RARB: variants seen among roughly 807,000 people sequenced by gnomAD.
The protein encoded by RARB is retinoic acid receptor beta, also known as HBV-activated protein.
RARB carries 17 observed loss-of-function variants against 51.9 expected under a neutral mutation model. That is an observed-to-expected ratio of 0.33 (90% confidence interval 0.22 to 0.49). The LOEUF is 0.49. Among genes scored for constraint, RARB ranks in the 20% least tolerant of loss-of-function variants. RARB has a pLI of 0.99. For missense variants in RARB, 369 were observed against 550.8 expected, an observed-to-expected ratio of 0.67 and a Z score of 3.30; for synonymous variants, 215 against 195.4, an observed-to-expected ratio of 1.10 and a Z score of -0.84.
chr3:24,950,713 GAAAA>G (rs71622789), intron 2 of RARB, among the ~76,000 whole-genome samples: 34 of 94,076 alleles, frequency 3.6e-4, no homozygotes, highest in African/African-American at 1.6e-3. Flanking sequence ...GCAGGAAAAG[GAAAA>G]AAAAAAAAAA....
chr3:25,597,775 A>AT lies in RARB; in HGVS notation c.*1171dup, dbSNP rs10638799. The AT allele has an allele frequency of 0.33, 49,600 of 149,816 alleles. 8,090 individuals carry two copies. Among genetic ancestry groups the AT allele is most frequent in the South Asian group, 0.37 (1,742 of 4,740 alleles). The allele number at this position is 149,816 out of a possible 1,614,324, so 9.3% of individuals were successfully genotyped here. A position where few individuals can be genotyped will look rare whatever the true frequency, so the allele number is the denominator to read the frequency against. ...TAGTTCTCATTTAAGCACTAGTGGA[A>AT]TTTTTTTTTTTTGATATATTAGCAA... On this transcript the variant is annotated 3_prime_UTR_variant, in exon 8 of 8. Transcript: ENST00000330688.
At chr3:25,335,968 C>T (rs1705050078) in intron 5 of RARB, among the ~76,000 whole-genome samples, 2 of 151,740 alleles carry the variant, frequency 1.3e-5, no homozygotes, top group South Asian at 4.1e-4. Flanking sequence ...TCCTCTAAAA[C>T]ACAGGTTTTT....
chr3:25,574,156 G>A lies in RARB; in HGVS notation c.609+4238G>A, dbSNP rs182810833. On this transcript the variant is annotated intron_variant, in intron 4 of 7. Transcript: ENST00000330688. ...GAGGTAACATCCTCGCTCTGAGGAC[G>A]TGTTCTCCGCTTCCTTAGGGTGAAC... Among the ~76,000 whole-genome samples, 19 of 152,322 alleles carry A rather than the reference G, an allele frequency of 1.2e-4. No homozygotes were observed. The East Asian group carries it at 3.5e-3, about 28-fold the overall frequency.
At chr3:25,305,134 A>G (rs1481483230) in intron 5 of RARB, among the ~76,000 whole-genome samples, 4 of 152,146 alleles carry the variant, frequency 2.6e-5, no homozygotes, top group African/African-American at 7.2e-5. Context: ...CGTAGGATAC[A>G]CTAGGATGTG....
chr3:25,589,815 G>A (rs1186977606), intron 5 of RARB, among the ~76,000 whole-genome samples: 1 of 152,228 alleles, frequency 6.6e-6, no homozygotes, highest in Admixed American at 6.5e-5. Flanking sequence ...GCCTGGCCTA[G>A]GCTATTTTTA....
rs898183184 is a variant in RARB at position 25,116,990 on chromosome 3, T to C, written c.-327-15171T>C. Among the ~76,000 whole-genome samples, 6 of 152,300 alleles carry C rather than the reference T, an allele frequency of 3.9e-5. No individual in the cohort carries two copies. In the South Asian group the frequency reaches 1.0e-3, roughly 26 times the overall value. ...GAATAAGAGCAACTTTACAGGTTGT[T>C]TCATTAAATTTGTGGGTCCACTAAA... On this transcript the variant is annotated intron_variant, in intron 3 of 11. Transcript: ENST00000383772.
chr3:24,980,601 G>A (rs550349929), intron 2 of RARB, among the ~76,000 whole-genome samples: 6 of 152,196 alleles, frequency 3.9e-5, no homozygotes, highest in Non-Finnish European at 7.4e-5. Flanking sequence ...TCATACTGTG[G>A]TTTTCAGTTC....
chr3:25,347,835 C>T (rs1230783053), intron 5 of RARB, among the ~76,000 whole-genome samples: 3 of 152,162 alleles, frequency 2.0e-5, no homozygotes, highest in East Asian at 3.9e-4. Context: ...CAAATCCCAG[C>T]ACTGGTGATA....
At position 25,081,621 on chromosome 3, in the gene RARB, A is replaced by AT. The variant is rs1168828068; in HGVS notation, c.-328+21473dup. On this transcript the variant is annotated intron_variant, in intron 3 of 11. Transcript: ENST00000383772. ...TATATATATATATATATATATATAT[A>AT]TTTTTTTTTTTTTTTTTTTTTTTTT... Among the ~76,000 whole-genome samples the AT allele has an allele frequency of 6.2e-3, 36 of 5,802 alleles. 8 individuals are homozygous for AT. The highest frequency in any genetic ancestry group is 0.014 in the South Asian group (2 of 140). The allele number at this position is 5,802 out of a possible 152,430, so 3.8% of individuals were successfully genotyped here.
intron 4 of RARB, among the ~76,000 whole-genome samples, chr3:25,133,929 A>G (rs1024627669): frequency 2.0e-5 from 3 of 151,654 alleles, no homozygotes; most frequent in Non-Finnish European, 4.4e-5. Context: ...AACAAAAACA[A>G]AAACTGAGAT....
In RARB at chr3:25,597,542, C is replaced by T. The variant is rs941640257; in HGVS notation, c.*926C>T. The T allele has an allele frequency of 5.2e-5, 8 of 152,630 alleles. No homozygotes were observed. Among genetic ancestry groups the T allele is most frequent in the Non-Finnish European group, 7.3e-5 (5 of 68,042 alleles). 9.5% of individuals were successfully genotyped at this position (152,630 alleles called of 1,614,324 possible). ...GGATAATTAGCAGGCTGGTCTACCA[C>T]CTGGACCATGTAACTCTAGTGTCCT... On this transcript the variant is annotated 3_prime_UTR_variant, in exon 8 of 8. Coordinates refer to ENST00000330688, the MANE Select transcript of RARB (RefSeq NM_000965.5).
At chr3:24,986,110 T>C (rs1696789345) in intron 2 of RARB, among the ~76,000 whole-genome samples, 1 of 152,220 alleles carries the variant, frequency 6.6e-6, no homozygotes, top group Non-Finnish European at 1.5e-5. Flanking sequence ...TGCTAAACTA[T>C]AAATTGTTTG....
At chr3:24,833,728 A>G (rs762036145) in intron 1 of RARB, among the ~76,000 whole-genome samples, 1 of 152,192 alleles carries the variant, frequency 6.6e-6, no homozygotes, top group East Asian at 1.9e-4. Flanking sequence ...TGCCTCAATT[A>G]TTTCTTAATT....
rs1176654469 is a variant in RARB, at chr3:25,040,243, T to C, written c.-379-19882T>C. 2.0e-5 allele frequency among the ~76,000 whole-genome samples: 3 copies of C among 152,236 alleles called. No individual in the cohort carries two copies. In the East Asian group the frequency reaches 5.8e-4, roughly 29 times the overall value. ...CTATAGTGATGGAAAGGAGACCTGCTATTCAGTTTTGCACTTGGCCTTTTT... is the reference window on the plus strand; with the variant it reads ...CTATAGTGATGGAAAGGAGACCTGCCATTCAGTTTTGCACTTGGCCTTTTT... On this transcript the variant is annotated intron_variant, in intron 2 of 11. Transcript: ENST00000383772.
intron 2 of RARB, among the ~76,000 whole-genome samples, chr3:25,059,460 T>C (rs1433755756): frequency 1.3e-5 from 2 of 151,854 alleles, no homozygotes; most frequent in Non-Finnish European, 2.9e-5. Context: ...TACTTGGTAC[T>C]TGTTTTTATT....
chr3:25,032,107 A>G (rs926035184), intron 2 of RARB, among the ~76,000 whole-genome samples: 1 of 152,208 alleles, frequency 6.6e-6, no homozygotes, highest in Non-Finnish European at 1.5e-5. Flanking sequence ...TTCTCCCTAA[A>G]AAACTATTAA....
chr3:25,578,819 T>A (rs1326231611), intron 4 of RARB, among the ~76,000 whole-genome samples: 1 of 152,246 alleles, frequency 6.6e-6, no homozygotes, highest in Non-Finnish European at 1.5e-5. Flanking sequence ...AAGCAAGAGC[T>A]AGTTTTATTC....
At chr3:25,590,441 ATTTAGTACCCAT>A in intron 5 of RARB, among the ~76,000 whole-genome samples, 1 of 152,312 alleles carries the variant, frequency 6.6e-6, no homozygotes, top group East Asian at 1.9e-4. Flanking sequence ...GCAAAGATTT[ATTTAGTACCCAT>A]TTGATTCCAG....
chr3:24,868,923 C>T (rs1702898269), intron 2 of RARB, among the ~76,000 whole-genome samples: 1 of 152,080 alleles, frequency 6.6e-6, no homozygotes, highest in Non-Finnish European at 1.5e-5. Flanking sequence ...CTCATGTTTC[C>T]CTAAAATGTA....
Sources: allele counts gnomAD v4.1 joint callset (sites outside exome capture counted in the v4.1 genomes callset), GRCh38; gene constraint gnomAD v4.1.1; transcripts MANE v1.5; gene names NCBI Gene and HGNC (gene_info 2026-07-23, HGNC 2026-07-21).